The following CTNNA3 variants were observed in gnomAD, a reference collection of about 807,000 sequenced individuals.
CTNNA3 encodes catenin alpha 3.
CTNNA3 carries 76 observed loss-of-function variants against 95.7 expected under a neutral mutation model. That is an observed-to-expected ratio of 0.79 (90% CI 0.66 to 0.96). CTNNA3 has a LOEUF of 0.96. CTNNA3 is among the 40% of genes least tolerant of loss of function. The probability of loss-of-function intolerance (pLI) is 0.00; values close to 1 mark genes in which losing one functional copy is unlikely to be tolerated. For missense variants in CTNNA3, 1,191 were observed against 1,089.8 expected (o/e 1.09, Z -1.31); for synonymous variants, 431 against 374.4 (o/e 1.15, Z -1.74).
intron 9 of CTNNA3, among the ~76,000 whole-genome samples, chr10:66,623,018 A>G (rs920809226): frequency 2.6e-5 from 4 of 152,042 alleles, no homozygotes; most frequent in African/African-American, 9.7e-5. Flanking sequence ...CTTACTTGAA[A>G]AGGTCTTTTG....
intron 5 of CTNNA3, among the ~76,000 whole-genome samples, chr10:67,287,434 C>A (rs1028796911): frequency 2.0e-5 from 3 of 152,118 alleles, no homozygotes; most frequent in Non-Finnish European, 4.4e-5. Flanking sequence ...CACTTTCGTG[C>A]AAATATTTTC....
intron 11 of CTNNA3, among the ~76,000 whole-genome samples, chr10:66,384,249 A>G (rs1485919959): frequency 6.6e-6 from 1 of 152,146 alleles, no homozygotes; most frequent in Non-Finnish European, 1.5e-5. Context: ...GGGAGGGAGG[A>G]AGATCTACCA....
At chr10:66,474,906 T>C (rs1290936121) in intron 11 of CTNNA3, among the ~76,000 whole-genome samples, 1 of 152,004 alleles carries the variant, frequency 6.6e-6, no homozygotes, top group Admixed American at 6.6e-5. Flanking sequence ...TTAGATTGTT[T>C]TGTTTTGCTT....
intron 5 of CTNNA3, among the ~76,000 whole-genome samples, chr10:67,426,146 A>C (rs1051502463): frequency 6.6e-6 from 1 of 152,114 alleles, no homozygotes; most frequent in African/African-American, 2.4e-5. Flanking sequence ...TGAGTAGAAG[A>C]AGCAGAAAAT....
chr10:66,830,657 T>G (rs542413232), intron 7 of CTNNA3, among the ~76,000 whole-genome samples: 3 of 152,082 alleles, frequency 2.0e-5, no homozygotes, highest in African/African-American at 4.8e-5. Flanking sequence ...TTGCCCAGGC[T>G]GGAGTGCAGT....
chr10:66,165,928 T>C (rs936379817), intron 13 of CTNNA3, among the ~76,000 whole-genome samples: 49 of 151,736 alleles, frequency 3.2e-4, no homozygotes, highest in Admixed American at 2.7e-3. Flanking sequence ...CCACCACACC[T>C]GGCTAATTTT....
chr10:67,500,292 A>C (rs1326608792), intron 5 of CTNNA3, among the ~76,000 whole-genome samples: 1 of 152,178 alleles, frequency 6.6e-6, no homozygotes, highest in Non-Finnish European at 1.5e-5. Context: ...ATAGTCTGAG[A>C]GACTGTTTGT....
chr10:66,270,379 G>A (rs1445165987), intron 13 of CTNNA3, among the ~76,000 whole-genome samples: 1 of 151,858 alleles, frequency 6.6e-6, no homozygotes, highest in African/African-American at 2.4e-5. Flanking sequence ...TAATTTTTCT[G>A]TTTTTTACAG....
intron 5 of CTNNA3, among the ~76,000 whole-genome samples, chr10:67,257,911 A>G (rs181786820): frequency 2.0e-5 from 3 of 151,940 alleles, no homozygotes; most frequent in Admixed American, 2.0e-4. Flanking sequence ...AGCTGTTTAG[A>G]CTCTCCTTAC....
At chr10:66,865,374 A>C (rs958726823) in intron 7 of CTNNA3, among the ~76,000 whole-genome samples, 9 of 152,090 alleles carry the variant, frequency 5.9e-5, no homozygotes, top group African/African-American at 2.2e-4. Flanking sequence ...CATAAATATA[A>C]AGGTGCCAGC....
intron 17 of CTNNA3, among the ~76,000 whole-genome samples, chr10:65,934,532 T>C (rs2077306032): frequency 6.6e-6 from 1 of 152,198 alleles, no homozygotes; most frequent in Non-Finnish European, 1.5e-5. Context: ...TAAATTATTA[T>C]TTTATCGATG....
chr10:67,639,829 A>G (rs1228176622), intron 2 of CTNNA3, among the ~76,000 whole-genome samples: 3 of 152,208 alleles, frequency 2.0e-5, no homozygotes, highest in Non-Finnish European at 2.9e-5. Flanking sequence ...AAAACTCTCA[A>G]TAAATTACGT....
chr10:67,637,728 G>T lies in CTNNA3; in HGVS notation c.99+9687C>A, dbSNP rs530246277. On this transcript the variant is annotated intron_variant, in intron 2 of 17. Transcript: ENST00000433211. ...CAATATTCAACATTCTTAAAGAAAA[G>T]AATTTTTAACCCAGAATTTCATATC... 4.5e-4 allele frequency among the ~76,000 whole-genome samples: 68 copies of T among 152,292 alleles called. 1 individual carries two copies. The highest frequency in any genetic ancestry group is 1.6e-3 in the African/African-American group (65 of 41,566).
chr10:66,076,366 G>C (rs1308880665), intron 14 of CTNNA3, among the ~76,000 whole-genome samples: 1 of 151,518 alleles, frequency 6.6e-6, no homozygotes, highest in African/African-American at 2.4e-5. Context: ...CAAGATTTAT[G>C]CATTGGTATC....
intron 13 of CTNNA3, among the ~76,000 whole-genome samples, chr10:66,174,845 C>A (rs545606400): frequency 6.6e-6 from 1 of 152,150 alleles, no homozygotes; most frequent in East Asian, 1.9e-4. Context: ...TTCTTCAATG[C>A]ATTTCCAATA....
intron 12 of CTNNA3, among the ~76,000 whole-genome samples, chr10:66,297,281 A>G (rs2091794639): frequency 6.6e-6 from 1 of 152,130 alleles, no homozygotes; most frequent in African/African-American, 2.4e-5. Flanking sequence ...CAGATTCCAC[A>G]TAACCACCCC....
chr10:67,157,092 C>G (rs1465409788), intron 7 of CTNNA3, among the ~76,000 whole-genome samples: 1 of 151,928 alleles, frequency 6.6e-6, no homozygotes, highest in African/African-American at 2.4e-5. Flanking sequence ...ACTATAAGTC[C>G]TAGTTAGAGC....
At chr10:66,232,345 T>G (rs1465779558) in intron 13 of CTNNA3, among the ~76,000 whole-genome samples, 2 of 152,132 alleles carry the variant, frequency 1.3e-5, no homozygotes, top group Non-Finnish European at 2.9e-5. Flanking sequence ...ATCAACAGAG[T>G]CAATGCAATG....
rs528396610 is a variant in CTNNA3, at chr10:66,516,945, G to A, written c.1531+3672C>T. ...CACATTAATAACCTTGAACTGGGCC[G>A]GGCAAGGTGGCTCACACCTATAATC... On this transcript the variant is annotated intron_variant, in intron 11 of 17. Transcript: ENST00000433211. Among the ~76,000 whole-genome samples the A allele has an allele frequency of 4.6e-4, 70 of 152,182 alleles. 1 individual carries two copies. Among genetic ancestry groups the A allele is most frequent in the Admixed American group, 1.5e-3 (23 of 15,292 alleles).
Sources: allele counts gnomAD v4.1 joint callset (sites outside exome capture counted in the v4.1 genomes callset), GRCh38; gene constraint gnomAD v4.1.1; transcripts MANE v1.5; gene names NCBI Gene and HGNC (gene_info 2026-07-23, HGNC 2026-07-21).